The following NLGN4Y variants were observed in gnomAD, a reference collection of about 807,000 sequenced individuals.
NLGN4Y encodes the protein neuroligin-4, Y-linked.
In NLGN4Y, 4 loss-of-function variants were observed where a neutral mutation model predicts 8.4. That is an observed-to-expected ratio of 0.48 (90% confidence interval 0.23 to 1.09). The LOEUF (loss-of-function observed/expected upper bound fraction) is 1.09. Among genes scored for constraint, NLGN4Y ranks in the 50% least tolerant of loss-of-function variants. The probability of loss-of-function intolerance (pLI) is 0.19; values close to 1 mark genes in which losing one functional copy is unlikely to be tolerated. For missense variants in NLGN4Y, 90 were observed against 192.3 expected (o/e 0.47, Z 3.15); for synonymous variants, 35 against 75.6 (o/e 0.46, Z 2.78).
chrY:14,528,620 A>G (rs2080100976), intron 1 of NLGN4Y, among the ~76,000 whole-genome samples: 1 of 32,738 alleles, frequency 3.1e-5, no homozygotes, highest in African/African-American at 1.2e-4. Flanking sequence ...CGTCCCTCCC[A>G]TGACACATGG....
intron 4 of NLGN4Y, among the ~76,000 whole-genome samples, chrY:14,818,868 T>C: frequency 4.5e-4 from 15 of 33,157 alleles, no homozygotes; most frequent in Non-Finnish European, 7.4e-5. Flanking sequence ...GTCTCTATTA[T>C]AGAACACCAA....
chrY:14,568,074 A>T (rs2150478998), intron 1 of NLGN4Y, among the ~76,000 whole-genome samples: 1 of 31,959 alleles, frequency 3.1e-5, no homozygotes, highest in South Asian at 7.1e-4. Flanking sequence ...TACACCCGTT[A>T]ACTCGTCACT....
intron 1 of NLGN4Y, among the ~76,000 whole-genome samples, chrY:14,621,169 A>G (rs2080506135): frequency 3.1e-5 from 1 of 32,077 alleles, no homozygotes; most frequent in African/African-American, 1.2e-4. Flanking sequence ...AACAAGGAAA[A>G]TTCGTGTCCA....
intron 2 of NLGN4Y, among the ~76,000 whole-genome samples, chrY:14,693,855 T>G: frequency 3.1e-5 from 1 of 31,952 alleles, no homozygotes; most frequent in African/African-American, 1.2e-4. Flanking sequence ...AAACTTAAAA[T>G]GTAGCTAATG....
chrY:14,756,395 C>T (rs769199930), intron 4 of NLGN4Y, among the ~76,000 whole-genome samples: 1 of 32,878 alleles, frequency 3.0e-5, no homozygotes, highest in South Asian at 6.7e-4. Context: ...CTCCTATTCT[C>T]TGGATTCCAC....
chrY:14,758,690 A>G, intron 4 of NLGN4Y, among the ~76,000 whole-genome samples: 1 of 32,989 alleles, frequency 3.0e-5, no homozygotes, highest in Non-Finnish European at 7.4e-5. Context: ...GGAATGTAGT[A>G]GCATGATCAT....
At chrY:14,739,267 T>A in intron 4 of NLGN4Y, among the ~76,000 whole-genome samples, 1 of 32,315 alleles carries the variant, frequency 3.1e-5, no homozygotes, top group Non-Finnish European at 7.5e-5. Context: ...CACGTTTGGC[T>A]AATTTTTATT....
chrY:14,708,295 G>A, intron 2 of NLGN4Y, among the ~76,000 whole-genome samples: 1 of 33,234 alleles, frequency 3.0e-5, no homozygotes, highest in Non-Finnish European at 7.4e-5. Context: ...CAGCTGGTAT[G>A]ACTGTGACTA....
At chrY:14,700,310 T>A in intron 2 of NLGN4Y, among the ~76,000 whole-genome samples, 1 of 33,378 alleles carries the variant, frequency 3.0e-5, no homozygotes, top group Non-Finnish European at 7.4e-5. Flanking sequence ...ATTCCACACC[T>A]GGATACAGCA....
chrY:14,694,062 G>A (rs2080820014), intron 2 of NLGN4Y, among the ~76,000 whole-genome samples: 1 of 33,319 alleles, frequency 3.0e-5, no homozygotes, highest in Non-Finnish European at 7.4e-5. Flanking sequence ...TTTCATGCTT[G>A]CAGATCATTT....
At position 14,729,979 on chromosome Y, in the gene NLGN4Y, G is replaced by T. The variant is rs2080966542; in HGVS notation, c.685+6710G>T. On this transcript the variant is annotated intron_variant, in intron 4 of 6. Transcript: ENST00000684976. ...CAGCTACAAGCTATATTTTGTATTTGCATCCACTGTTTTGTTAGCAGATGT... is the reference window on the plus strand; with the variant it reads ...CAGCTACAAGCTATATTTTGTATTTTCATCCACTGTTTTGTTAGCAGATGT... 4.7e-4 allele frequency among the ~76,000 whole-genome samples: 16 copies of T among 33,875 alleles called. No homozygotes were observed. In the South Asian group the frequency reaches 0.01, roughly 22 times the overall value. The allele number at this position is 33,875 out of a possible 37,273, so 90.9% of individuals were successfully genotyped here. A position where few individuals can be genotyped will look rare whatever the true frequency, so the allele number is the denominator to read the frequency against.
At chrY:14,652,241 C>A in intron 2 of NLGN4Y, among the ~76,000 whole-genome samples, 1 of 32,758 alleles carries the variant, frequency 3.1e-5, no homozygotes. Flanking sequence ...GTTAAACTAT[C>A]CATACAAAAG....
chrY:14,572,071 G>C, intron 1 of NLGN4Y, among the ~76,000 whole-genome samples: 2 of 31,869 alleles, frequency 6.3e-5, no homozygotes, highest in African/African-American at 2.5e-4. Flanking sequence ...GGATTGACTA[G>C]GCAATGCAGG....
chrY:14,610,135 A>T (rs2080461134), intron 1 of NLGN4Y, among the ~76,000 whole-genome samples: 2 of 31,995 alleles, frequency 6.3e-5, no homozygotes, highest in African/African-American at 2.5e-4. Flanking sequence ...TATTTTGTTA[A>T]TTTTTTCCAA....
At chrY:14,786,931 C>T (rs2042969678) in intron 4 of NLGN4Y, among the ~76,000 whole-genome samples, 1 of 31,782 alleles carries the variant, frequency 3.1e-5, no homozygotes, top group African/African-American at 1.2e-4. Flanking sequence ...TGCTCCTCCT[C>T]CTCTTCCTCC....
chrY:14,838,450 T>C (rs2043204989), intron 6 of NLGN4Y, among the ~76,000 whole-genome samples: 1 of 33,103 alleles, frequency 3.0e-5, no homozygotes, highest in Admixed American at 2.8e-4. Context: ...TATGTACATA[T>C]GTTATACATA....
intron 4 of NLGN4Y, among the ~76,000 whole-genome samples, chrY:14,756,484 A>C (rs1031113713): frequency 3.2e-5 from 1 of 31,601 alleles, no homozygotes; most frequent in Non-Finnish European, 7.6e-5. Context: ...ACGGTGGCTC[A>C]AGCCTATAAT....
At chrY:14,621,611 G>C in intron 1 of NLGN4Y, among the ~76,000 whole-genome samples, 2 of 32,905 alleles carry the variant, frequency 6.1e-5, no homozygotes, top group African/African-American at 2.4e-4. Flanking sequence ...GATCTCTTTA[G>C]GCCAGCCTGG....
intron 4 of NLGN4Y, among the ~76,000 whole-genome samples, chrY:14,806,723 CAG>C (rs2043058692): frequency 3.2e-5 from 1 of 31,327 alleles, no homozygotes; most frequent in African/African-American, 1.3e-4. Context: ...AACACCGAGA[CAG>C]AGTTATCAAA....
Sources: gnomAD v4.1 joint callset for allele counts (sites outside exome capture counted in the v4.1 genomes callset) on GRCh38, gnomAD v4.1.1 for gene constraint, MANE v1.5 for transcripts, NCBI Gene and HGNC (gene_info 2026-07-23, HGNC 2026-07-21) for gene names.